The following NAALADL2 variants were observed in gnomAD, a reference collection of about 807,000 sequenced individuals.
NAALADL2 encodes the protein inactive N-acetylated-alpha-linked acidic dipeptidase-like protein 2.
NAALADL2 carries 76 observed loss-of-function variants against 87.2 expected under a neutral mutation model. The observed-to-expected ratio is 0.87, with a 90% CI of 0.72 to 1.05. NAALADL2 has a LOEUF of 1.05. Ranked by LOEUF, NAALADL2 falls within the 50% of genes least tolerant of loss-of-function variation. The probability of loss-of-function intolerance (pLI) is 0.00; values close to 1 mark genes in which losing one functional copy is unlikely to be tolerated. For synonymous variants in NAALADL2, 354 were observed against 331.0 expected (o/e 1.07, Z -0.75); for missense variants, 1,089 against 945.8 (o/e 1.15, Z -1.99).
chr3:174,697,109 G>A (rs1729089357), intron 2 of NAALADL2, among the ~76,000 whole-genome samples: 1 of 125,272 alleles, frequency 8.0e-6, no homozygotes, highest in Non-Finnish European at 1.8e-5. Flanking sequence ...GTATGGCTCT[G>A]ACTTTGCAGT....
intron 2 of NAALADL2, among the ~76,000 whole-genome samples, chr3:174,704,694 T>TA (rs562259278): frequency 6.9e-4 from 103 of 149,882 alleles, no homozygotes; most frequent in South Asian, 4.5e-3. Context: ...GGAAAATAGA[T>TA]AAAAAAAAAC....
At chr3:174,860,147 A>T (rs1726307026) in intron 1 of NAALADL2, among the ~76,000 whole-genome samples, 2 of 152,236 alleles carry the variant, frequency 1.3e-5, no homozygotes, top group South Asian at 4.1e-4. Context: ...AAAAGAAAGT[A>T]GATATTGGGC....
intron 1 of NAALADL2, among the ~76,000 whole-genome samples, chr3:174,921,868 G>A (rs1241093299): frequency 6.7e-6 from 1 of 150,238 alleles, no homozygotes; most frequent in Non-Finnish European, 1.5e-5. Context: ...TTTTAAAGGT[G>A]CAAAATCCAT....
intron 11 of NAALADL2, among the ~76,000 whole-genome samples, chr3:175,667,241 A>AAGAAAGAAAGAAAGAAAAAG (rs1182682303): frequency 2.0e-3 from 184 of 91,676 alleles, no homozygotes; most frequent in Middle Eastern, 0.012. Flanking sequence ...GAAAGAAAGA[A>AAGAAAGAAAGAAAGAAAAAG]AAAGAAAGAA....
intron 4 of NAALADL2, among the ~76,000 whole-genome samples, chr3:175,296,263 AT>A (rs1042352926): frequency 6.4e-4 from 98 of 152,250 alleles, no homozygotes; most frequent in Admixed American, 1.6e-3. Flanking sequence ...GGGATCCTAC[AT>A]CTTGCATTGG....
chr3:175,676,275 A>G (rs781498676), intron 11 of NAALADL2: 6 of 152,102 alleles, frequency 3.9e-5, no homozygotes, highest in Non-Finnish European at 8.8e-5. Flanking sequence ...TGCTTGCTTT[A>G]CCTATTGACA....
chr3:174,918,365 A>G (rs2108337892), intron 1 of NAALADL2, among the ~76,000 whole-genome samples: 1 of 152,280 alleles, frequency 6.6e-6, no homozygotes, highest in Non-Finnish European at 1.5e-5. Context: ...GAAGACTCTA[A>G]CTTTTTCTGT....
At chr3:175,248,306 T>C (rs1331640995) in intron 3 of NAALADL2, among the ~76,000 whole-genome samples, 4 of 152,242 alleles carry the variant, frequency 2.6e-5, no homozygotes, top group Non-Finnish European at 5.9e-5. Context: ...TGAACTGTTG[T>C]CATGATTAGA....
chr3:174,924,370 G>A (rs1735672696), intron 1 of NAALADL2, among the ~76,000 whole-genome samples: 1 of 151,920 alleles, frequency 6.6e-6, no homozygotes, highest in African/African-American at 2.4e-5. Flanking sequence ...CTTCATACAT[G>A]TCCCTACAAA....
chr3:175,401,692 G>A (rs565775290), intron 5 of NAALADL2, among the ~76,000 whole-genome samples: 2 of 152,226 alleles, frequency 1.3e-5, no homozygotes, highest in South Asian at 4.1e-4. Context: ...GCTAAACACA[G>A]AAAATGTGCA....
chr3:175,634,499 A>T (rs1728243267), intron 11 of NAALADL2, among the ~76,000 whole-genome samples: 1 of 151,978 alleles, frequency 6.6e-6, no homozygotes, highest in Non-Finnish European at 1.5e-5. Context: ...TATAGCTTTT[A>T]AAACTATATC....
intron 5 of NAALADL2, among the ~76,000 whole-genome samples, chr3:175,410,580 A>G (rs1411474452): frequency 1.4e-5 from 2 of 146,802 alleles, no homozygotes; most frequent in African/African-American, 2.5e-5. Context: ...CCTTGCTCTT[A>G]CAGAGCTTCT....
At chr3:174,991,456 T>TC (rs36020268) in intron 1 of NAALADL2, among the ~76,000 whole-genome samples, 46,374 of 151,792 alleles carry the variant, frequency 0.31, 9,415 homozygotes, top group African/African-American at 0.58. Context: ...AAAAACATAT[T>TC]TTTAGAGACA....
intron 1 of NAALADL2, among the ~76,000 whole-genome samples, chr3:175,065,293 A>G (rs1714347037): frequency 6.6e-6 from 1 of 152,194 alleles, no homozygotes; most frequent in South Asian, 2.1e-4. Flanking sequence ...GTCTTACTAT[A>G]AATCACTGGG....
intron 1 of NAALADL2, among the ~76,000 whole-genome samples, chr3:174,493,001 T>G (rs1322487947): frequency 6.6e-6 from 1 of 152,224 alleles, no homozygotes; most frequent in Non-Finnish European, 1.5e-5. Context: ...GTTAGAGACT[T>G]TAAGGATTTT....
intron 2 of NAALADL2, among the ~76,000 whole-genome samples, chr3:174,585,421 A>G (rs1218341768): frequency 6.6e-6 from 1 of 152,222 alleles, no homozygotes; most frequent in Non-Finnish European, 1.5e-5. Context: ...ATGACTTCAC[A>G]TGGACGAGAG....
At chr3:175,349,700 T>C (rs1763540291) in intron 5 of NAALADL2, among the ~76,000 whole-genome samples, 1 of 152,150 alleles carries the variant, frequency 6.6e-6, no homozygotes, top group Non-Finnish European at 1.5e-5. Flanking sequence ...ACTCAGTATT[T>C]CTCTGTTTGG....
intron 2 of NAALADL2, among the ~76,000 whole-genome samples, chr3:175,197,408 A>G (rs561431613): frequency 1.1e-4 from 16 of 152,026 alleles, no homozygotes; most frequent in Non-Finnish European, 1.8e-4. Context: ...CTTTTTTTCT[A>G]TATTTCTAGA....
chr3:175,548,014 A>G lies in NAALADL2; in HGVS notation c.1654-28027A>G, dbSNP rs182199463. ...GTGGTGATTCCTCAAAGATCTAAAG[A>G]TAGAAATACCATTCAGCACAGCAAT... On this transcript the variant is annotated intron_variant, in intron 9 of 13. Transcript: ENST00000454872. 1.7e-3 allele frequency among the ~76,000 whole-genome samples: 255 copies of G among 152,162 alleles called. 2 individuals carry two copies. The highest frequency in any genetic ancestry group is 5.8e-3 in the African/African-American group (240 of 41,534).
Sources: gnomAD v4.1 joint callset for allele counts (sites outside exome capture counted in the v4.1 genomes callset) on GRCh38, gnomAD v4.1.1 for gene constraint, MANE v1.5 for transcripts, NCBI Gene and HGNC (gene_info 2026-07-23, HGNC 2026-07-21) for gene names.